The following ARK2C variants were observed in gnomAD, a reference collection of about 807,000 sequenced individuals.
ARK2C encodes the protein E3 ubiquitin-protein ligase ARK2C.
chr18:46,411,695 A>C, the ARK2C span, among the ~76,000 whole-genome samples: 1 of 152,156 alleles, frequency 6.6e-6, no homozygotes, highest in Non-Finnish European at 1.5e-5. Context: ...CATGTTCCAA[A>C]GGGGTGAGGC....
At chr18:46,351,666 G>C in the ARK2C span, among the ~76,000 whole-genome samples, 438 of 152,242 alleles carry the variant, frequency 2.9e-3, 2 homozygotes, top group African/African-American at 0.01. Context: ...GTTGATCTTT[G>C]AGTTACTTTT....
chr18:46,393,313 G>A, the ARK2C span, among the ~76,000 whole-genome samples: 72 of 152,314 alleles, frequency 4.7e-4, no homozygotes, highest in African/African-American at 1.6e-3. Context: ...GTTCTGGGCC[G>A]GTGGAGAGCA....
chr18:46,370,131 C>A, the ARK2C span, among the ~76,000 whole-genome samples: 659 of 152,284 alleles, frequency 4.3e-3, 2 homozygotes, highest in Non-Finnish European at 5.6e-3. Context: ...AATCTGGGTC[C>A]CCACTTCCTT....
At chr18:46,357,054 A>T in the ARK2C span, among the ~76,000 whole-genome samples, 1 of 152,232 alleles carries the variant, frequency 6.6e-6, no homozygotes. Context: ...GCCCTACACC[A>T]GATCTACCTT....
the ARK2C span, among the ~76,000 whole-genome samples, chr18:46,400,567 C>A: frequency 1.3e-5 from 2 of 152,226 alleles, no homozygotes; most frequent in East Asian, 3.9e-4. Context: ...AGAAGAGAAA[C>A]AGGGAACACC....
the ARK2C span, among the ~76,000 whole-genome samples, chr18:46,377,675 T>G: frequency 1.3e-5 from 2 of 151,760 alleles, no homozygotes; most frequent in African/African-American, 4.8e-5. Flanking sequence ...CAGAGGAGGG[T>G]GTCATTAATT....
At chr18:46,444,060 G>T in the ARK2C span, among the ~76,000 whole-genome samples, 1 of 151,892 alleles carries the variant, frequency 6.6e-6, no homozygotes, top group African/African-American at 2.4e-5. Context: ...CCCTTCAGCA[G>T]TGCATAGGTG....
At chr18:46,418,480 G>A in the ARK2C span, among the ~76,000 whole-genome samples, 120 of 152,098 alleles carry the variant, frequency 7.9e-4, no homozygotes, top group African/African-American at 2.8e-3. Context: ...TATTTTGTTT[G>A]CACTAAGTCT....
At chr18:46,441,976 G>A in the ARK2C span, among the ~76,000 whole-genome samples, 1 of 149,860 alleles carries the variant, frequency 6.7e-6, no homozygotes, top group Non-Finnish European at 1.5e-5. Flanking sequence ...CATCCTGGCT[G>A]ACACGGTGAA....
At chr18:46,390,345 T>C in the ARK2C span, among the ~76,000 whole-genome samples, 1 of 152,326 alleles carries the variant, frequency 6.6e-6, no homozygotes, top group South Asian at 2.1e-4. Flanking sequence ...TGGGTGTTGG[T>C]GCAGGAATGG....
At chr18:46,342,124 T>G in the ARK2C span, among the ~76,000 whole-genome samples, 1 of 152,080 alleles carries the variant, frequency 6.6e-6, no homozygotes, top group Non-Finnish European at 1.5e-5. Flanking sequence ...GCACAGCCCA[T>G]GAGGAGTTAA....
chr18:46,461,771 T>C, the ARK2C span: 1 of 152,150 alleles, frequency 6.6e-6, no homozygotes, highest in Non-Finnish European at 1.5e-5. Context: ...GAGTTGACTT[T>C]CGGGAGGGTT....
the ARK2C span, among the ~76,000 whole-genome samples, chr18:46,392,609 G>A: frequency 6.6e-6 from 1 of 152,164 alleles, no homozygotes; most frequent in African/African-American, 2.4e-5. Context: ...CGGGGTGATG[G>A]GTCAGTTCAT....
chr18:46,457,956 C>T, the ARK2C span: 1 of 152,690 alleles, frequency 6.5e-6, no homozygotes, highest in Non-Finnish European at 1.5e-5. Context: ...TTGGGAGTGC[C>T]CGTGTTCCTG....
chr18:46,436,098 C>T, the ARK2C span, among the ~76,000 whole-genome samples: 1 of 152,174 alleles, frequency 6.6e-6, no homozygotes, highest in African/African-American at 2.4e-5. Context: ...GGTTCTAGCT[C>T]ATAAGAGAGC....
the ARK2C span, among the ~76,000 whole-genome samples, chr18:46,356,889 G>A: frequency 6.6e-6 from 1 of 152,194 alleles, no homozygotes; most frequent in Admixed American, 6.5e-5. Context: ...GAGGTTAAAA[G>A]GCTTCCTCTG....
the ARK2C span, among the ~76,000 whole-genome samples, chr18:46,396,001 G>A: frequency 6.6e-6 from 1 of 152,232 alleles, no homozygotes; most frequent in Non-Finnish European, 1.5e-5. Context: ...GAATGACCAG[G>A]CAGACTTGGC....
chr18:46,394,941 T>C, the ARK2C span, among the ~76,000 whole-genome samples: 1 of 152,246 alleles, frequency 6.6e-6, no homozygotes, highest in African/African-American at 2.4e-5. Flanking sequence ...TTCACGTATG[T>C]GGGGCTTTGC....
At chr18:46,451,059 T>C in the ARK2C span, among the ~76,000 whole-genome samples, 1 of 152,222 alleles carries the variant, frequency 6.6e-6, no homozygotes, top group African/African-American at 2.4e-5. Context: ...GGACTTGCCA[T>C]TGGGTATATT....
Sources: allele counts gnomAD v4.1 joint callset (sites outside exome capture counted in the v4.1 genomes callset), GRCh38; gene constraint gnomAD v4.1.1; transcripts MANE v1.5; gene names NCBI Gene and HGNC (gene_info 2026-07-23, HGNC 2026-07-21).